RNF115: variants seen among roughly 807,000 people sequenced by gnomAD.
RNF115 encodes E3 ubiquitin-protein ligase RNF115.
Under a neutral mutation model 39.2 loss-of-function variants are expected in RNF115, and 31 were observed. The ratio of observed to expected loss-of-function variants is 0.79; its 90% CI spans 0.59 to 1.07. The LOEUF (loss-of-function observed/expected upper bound fraction) is 1.07, where lower values mean the gene tolerates loss of function less well. Among genes scored for constraint, RNF115 ranks in the 50% least tolerant of loss-of-function variants. The pLI, the probability that RNF115 is intolerant of heterozygous loss-of-function variation, is 0.00. For synonymous variants in RNF115, 124 were observed against 131.0 expected, an observed-to-expected ratio of 0.95 and a Z score of 0.37; for missense variants, 384 against 381.7, an observed-to-expected ratio of 1.01 and a Z score of -0.05.
chr1:145,794,755 C>T (rs1311931055), intron 1 of RNF115, among the ~76,000 whole-genome samples: 1 of 151,650 alleles, frequency 6.6e-6, no homozygotes, highest in East Asian at 1.9e-4. Flanking sequence ...CAGTAGCTCA[C>T]GCCTGTAATT....
chr1:145,776,967 A>C (rs587629447), intron 3 of RNF115, among the ~76,000 whole-genome samples: 1 of 152,344 alleles, frequency 6.6e-6, no homozygotes, highest in East Asian at 1.9e-4. Context: ...ATTAGAGATC[A>C]CTGGTTTCTA....
chr1:145,818,142 G>C lies in RNF115; in HGVS notation c.102+5630C>G, dbSNP rs587758855. Among the ~76,000 whole-genome samples, 198 of 151,954 alleles carry C rather than the reference G, an allele frequency of 1.3e-3. 2 individuals are homozygous for C. Among genetic ancestry groups the C allele is most frequent in the African/African-American group, 4.6e-3 (190 of 41,406 alleles). On this transcript the variant is annotated intron_variant, in intron 1 of 8. Coordinates refer to ENST00000582693, the MANE Select transcript of RNF115 (RefSeq NM_014455.4). ...CAGTAATGGATTGCTGGGCAGAATG[G>C]TAGTTCCGTTTTAAGTTCTTTGGGA...
At chr1:145,822,655 G>A (rs1220864071) in intron 1 of RNF115, among the ~76,000 whole-genome samples, 1 of 151,210 alleles carries the variant, frequency 6.6e-6, no homozygotes, top group East Asian at 1.9e-4. Context: ...GTTGGCCAAG[G>A]ACAGGATTGA....
Position 145,744,482 on chromosome 1 carries a change from T to C in RNF115, c.*2384A>G, listed in dbSNP as rs1657795788. On this transcript the variant is annotated 3_prime_UTR_variant, in exon 9 of 9. Coordinates refer to ENST00000582693, the MANE Select transcript of RNF115 (RefSeq NM_014455.4). ...TTTATTCCCTCTGGGCCCAAATGAATCATACTTTCTGGTCACAACTTTTAG... is the reference window on the plus strand; with the variant it reads ...TTTATTCCCTCTGGGCCCAAATGAACCATACTTTCTGGTCACAACTTTTAG... 1 of 152,134 alleles carries C rather than the reference T, an allele frequency of 6.6e-6. No homozygotes were observed. Among genetic ancestry groups the C allele is most frequent in the Non-Finnish European group, 1.5e-5 (1 of 68,032 alleles). The allele number at this position is 152,134 out of a possible 1,614,324, so 9.4% of individuals were successfully genotyped here.
At chr1:145,761,323 G>C (rs1421188069) in intron 4 of RNF115, among the ~76,000 whole-genome samples, 1 of 152,212 alleles carries the variant, frequency 6.6e-6, no homozygotes, top group Non-Finnish European at 1.5e-5. Flanking sequence ...GGCCCTGTTA[G>C]AGACCTTCAC....
rs782442509 is a variant in RNF115, at chr1:145,823,952, T to TCGC, written c.-82_-80dup. On this transcript the variant is annotated 5_prime_UTR_variant, in exon 1 of 9. Coordinates refer to ENST00000582693, the MANE Select transcript of RNF115 (RefSeq NM_014455.4). ...GCCGCTACCTCCCGAGCTGCAGTCG[T>TCGC]CGCCGCCGCCGCCGCCTCGGTGCGG... The TCGC allele has an allele frequency of 3.1e-4, 329 of 1,055,180 alleles. 4 individuals carry two copies. In the South Asian group the frequency reaches 5.2e-3, roughly 17 times the overall value. The allele number at this position is 1,055,180 out of a possible 1,614,324, so 65.4% of individuals were successfully genotyped here. A position where few individuals can be genotyped will look rare whatever the true frequency, so the allele number is the denominator to read the frequency against.
chr1:145,766,484 T>C (rs1255917019), intron 4 of RNF115, among the ~76,000 whole-genome samples: 1 of 152,038 alleles, frequency 6.6e-6, no homozygotes, highest in Non-Finnish European at 1.5e-5. Flanking sequence ...ATTGTCATCA[T>C]GGCCTGTTCC....
chr1:145,781,689 C>A (rs587681669), intron 3 of RNF115, among the ~76,000 whole-genome samples: 4 of 152,132 alleles, frequency 2.6e-5, no homozygotes, highest in Non-Finnish European at 5.9e-5. Flanking sequence ...ACAAGAGAGG[C>A]ACTGAGAGAT....
intron 1 of RNF115, among the ~76,000 whole-genome samples, chr1:145,789,253 C>T (rs587633824): frequency 1.3e-5 from 2 of 152,102 alleles, no homozygotes; most frequent in Non-Finnish European, 2.9e-5. Context: ...CAGGCACATG[C>T]CAACATACCT....
chr1:145,803,818 C>T (rs782185578), intron 1 of RNF115, among the ~76,000 whole-genome samples: 1 of 152,206 alleles, frequency 6.6e-6, no homozygotes, highest in Non-Finnish European at 1.5e-5. Context: ...GGTCACAAGA[C>T]AAAGTGTTAC....
intron 1 of RNF115, among the ~76,000 whole-genome samples, chr1:145,812,632 C>T (rs1293156511): frequency 6.6e-6 from 1 of 150,864 alleles, no homozygotes; most frequent in Non-Finnish European, 1.5e-5. Context: ...TGCACTCCAG[C>T]CTGGGTGACA....
chr1:145,801,449 C>T (rs1649240019), intron 1 of RNF115, among the ~76,000 whole-genome samples: 1 of 152,044 alleles, frequency 6.6e-6, no homozygotes, highest in African/African-American at 2.4e-5. Flanking sequence ...CCTGTAATCC[C>T]AGCTACTGTG....
Position 145,771,859 on chromosome 1 carries a change from T to G in RNF115, c.280A>C (p.Ser94Arg). 1 of 1,614,166 alleles carries G rather than the reference T, an allele frequency of 6.2e-7. No individual in the cohort carries two copies. Among genetic ancestry groups the G allele is most frequent in the Non-Finnish European group, 8.5e-7 (1 of 1,180,002 alleles). Residue 94 changes from serine (S) to arginine (R), a missense_variant, in exon 4 of 9, where the codon AGT (serine) becomes CGT (arginine). By Grantham distance (110) the Ser-to-Arg change is moderately radical. Coordinates refer to ENST00000582693, the MANE Select transcript of RNF115 (RefSeq NM_014455.4). Reference protein sequence around the residue: ...FQDFRPFLSSSPLDQDNRANE... With the variant: ...FQDFRPFLSSRPLDQDNRANE... The stretch of plus-strand genomic sequence containing the variant: ...GCTCTATTATCTTGGTCCAGTGGAC[T>G]GCTACTTAGAAAGGGTCTAAAATCT...
intron 1 of RNF115, among the ~76,000 whole-genome samples, chr1:145,792,454 A>G (rs1648718487): frequency 6.6e-6 from 1 of 152,132 alleles, no homozygotes; most frequent in African/African-American, 2.4e-5. Context: ...AAGTGCTGGG[A>G]TTACAGGCAA....
intron 3 of RNF115, among the ~76,000 whole-genome samples, chr1:145,777,632 A>G (rs1279978768): frequency 1.3e-5 from 2 of 152,190 alleles, no homozygotes; most frequent in Admixed American, 6.6e-5. Flanking sequence ...AATAGCTCAT[A>G]CAACAAAACT....
At chr1:145,747,376 G>C (rs1553711892) in intron 8 of RNF115, among the ~76,000 whole-genome samples, 1 of 152,180 alleles carries the variant, frequency 6.6e-6, no homozygotes, top group Admixed American at 6.5e-5. Flanking sequence ...AATTGGCCGA[G>C]TGCAGTGGCT....
At chr1:145,796,932 G>C (rs1649012255) in intron 1 of RNF115, among the ~76,000 whole-genome samples, 1 of 152,024 alleles carries the variant, frequency 6.6e-6, no homozygotes, top group Admixed American at 6.6e-5. Flanking sequence ...AGTTTCTTTT[G>C]AATAAAGATA....
intron 4 of RNF115, among the ~76,000 whole-genome samples, chr1:145,768,690 T>G (rs1162606967): frequency 6.6e-6 from 1 of 152,126 alleles, no homozygotes; most frequent in African/African-American, 2.4e-5. Flanking sequence ...ATGGAAACCA[T>G]AAGTGGAATG....
chr1:145,753,583 T>C (rs1308443844), intron 4 of RNF115, among the ~76,000 whole-genome samples: 12 of 152,236 alleles, frequency 7.9e-5, no homozygotes, highest in Non-Finnish European at 1.5e-4. Flanking sequence ...CTCTGAATAC[T>C]TAAGATGGCA....
Sources: allele counts gnomAD v4.1 joint callset (sites outside exome capture counted in the v4.1 genomes callset), GRCh38; gene constraint gnomAD v4.1.1; transcripts MANE v1.5; gene names NCBI Gene and HGNC (gene_info 2026-07-23, HGNC 2026-07-21).